Variants in IFT43 observed in about 807,000 individuals in gnomAD.
The protein encoded by IFT43 is intraflagellar transport 43, also known as intraflagellar transport protein 43 homolog.
Under a neutral mutation model 32.3 loss-of-function variants are expected in IFT43, and 33 were observed. The ratio of observed to expected loss-of-function variants is 1.02; its 90% CI spans 0.77 to 1.37. IFT43 has a LOEUF of 1.37. IFT43 is among the 40% of genes most tolerant of loss of function. IFT43 has a pLI of 0.00. For synonymous variants in IFT43, 93 were observed against 98.2 expected (o/e 0.95, Z 0.31); for missense variants, 274 against 265.9 (o/e 1.03, Z -0.21).
intron 5 of IFT43, among the ~76,000 whole-genome samples, chr14:76,067,144 G>A (rs541275337): frequency 2.6e-5 from 4 of 152,148 alleles, no homozygotes; most frequent in Admixed American, 6.6e-5. Context: ...CTTCATCCGT[G>A]GTACATGTTG....
intron 3 of IFT43, chr14:76,038,169 A>G (rs967560422): frequency 6.6e-6 from 1 of 152,256 alleles, no homozygotes; most frequent in Non-Finnish European, 1.5e-5. Flanking sequence ...ATGAGTGTCC[A>G]ATATTGGGTA....
At chr14:75,986,205 A>G (rs772907155) in intron 1 of IFT43, 1 of 1,308,528 alleles carries the variant, frequency 7.6e-7, no homozygotes, top group Non-Finnish European at 1.0e-6. Flanking sequence ...ACTCGCTCCC[A>G]TCCTAGAGTT....
rs538853707 is a variant in IFT43, at chr14:76,077,045, T to C, written c.296-5250T>C. Among the ~76,000 whole-genome samples, 4 of 152,234 alleles carry C rather than the reference T, an allele frequency of 2.6e-5. No individual in the cohort carries two copies. The East Asian group carries it at 7.7e-4, about 29-fold the overall frequency. ...TTTTTGAAATAGATTTGTACTGCTG[T>C]TGCTGTGCGTTAATAAGCCTCTGTT... is the stretch of plus-strand genomic sequence containing the variant. On this transcript the variant is annotated intron_variant, in intron 5 of 8. Coordinates refer to ENST00000314067, the MANE Select transcript of IFT43 (RefSeq NM_001102564.3).
chr14:76,009,143 A>G (rs17103912), intron 2 of IFT43, among the ~76,000 whole-genome samples: 21,652 of 152,194 alleles, frequency 0.14, 1,627 homozygotes, highest in Middle Eastern at 0.23. Context: ...TTTCAAGCCC[A>G]TTCTAGCTGG....
At chr14:76,083,807 A>G (rs1228829445), downstream of IFT43, 1 of 670,546 alleles carries the variant, frequency 1.5e-6, no homozygotes, top group Non-Finnish European at 2.7e-6. Context: ...AACAGCTTTT[A>G]AACCAGCTGA....
chr14:76,037,933 C>T (rs1483726810), intron 3 of IFT43: 2 of 152,238 alleles, frequency 1.3e-5, no homozygotes, highest in Non-Finnish European at 2.9e-5. Context: ...TAGGACGAGG[C>T]AGCTCTGATT....
intron 3 of IFT43, among the ~76,000 whole-genome samples, chr14:76,052,934 A>G (rs2036942667): frequency 6.6e-6 from 1 of 152,190 alleles, no homozygotes; most frequent in Non-Finnish European, 1.5e-5. Context: ...GCAGAGGAGC[A>G]TTTCCCATGC....
At chr14:75,999,669 C>T (rs1200367380) in intron 2 of IFT43, among the ~76,000 whole-genome samples, 1 of 152,106 alleles carries the variant, frequency 6.6e-6, no homozygotes, top group East Asian at 1.9e-4. Context: ...AAAGAGGCAG[C>T]TCTTGAAGTG....
chr14:76,007,735 A>G (rs1487561724), intron 2 of IFT43, among the ~76,000 whole-genome samples: 1 of 152,206 alleles, frequency 6.6e-6, no homozygotes, highest in Non-Finnish European at 1.5e-5. Context: ...ATGAATGTTG[A>G]AAAGAATTTT....
chr14:75,988,306 G>C (rs780811723), intron 1 of IFT43, among the ~76,000 whole-genome samples: 2 of 152,024 alleles, frequency 1.3e-5, no homozygotes, highest in Non-Finnish European at 2.9e-5. Context: ...TTGAGCCTAG[G>C]GGGTGGAGGC....
At chr14:76,016,013 G>A (rs765019940) in intron 2 of IFT43, among the ~76,000 whole-genome samples, 1 of 152,022 alleles carries the variant, frequency 6.6e-6, no homozygotes, top group African/African-American at 2.4e-5. Context: ...CTTTTTAATG[G>A]GACTTTTTTG....
chr14:76,059,348 C>T lies in IFT43; in HGVS notation c.270C>T (p.Ser90=), dbSNP rs893258741. ...GCAGTTTCCGCCTCAGACCACAGAG[C>T]CTGAATGGATCAGATTATGGAGGAG... ...EIEDFRLRPQ[S]LNGSDYGGDI... Residue 90 remains serine (S), a synonymous_variant, in exon 5 of 9, where the codon AGC becomes AGT. Transcript: ENST00000314067. 3.1e-6 allele frequency: 5 copies of T among 1,613,934 alleles called. No homozygotes were observed. The Admixed American group carries it at 5.0e-5, about 16-fold the overall frequency.
intron 2 of IFT43, among the ~76,000 whole-genome samples, chr14:75,999,277 ATATATTTT>A (rs2035835576): frequency 2.1e-4 from 4 of 18,712 alleles, no homozygotes; most frequent in African/African-American, 7.4e-4. Context: ...ATATATGTAT[ATATATTTT>A]TTTTTTTTTT....
chr14:76,041,904 C>T (rs1594838988), intron 3 of IFT43, among the ~76,000 whole-genome samples: 1 of 152,188 alleles, frequency 6.6e-6, no homozygotes, highest in Non-Finnish European at 1.5e-5. Context: ...TACAGATGCA[C>T]TATTCCCCTG....
At chr14:76,000,094 T>C (rs2035854028) in intron 2 of IFT43, among the ~76,000 whole-genome samples, 1 of 152,196 alleles carries the variant, frequency 6.6e-6, no homozygotes, top group Non-Finnish European at 1.5e-5. Flanking sequence ...TTTAACAGTT[T>C]TACATTTTTA....
intron 5 of IFT43, among the ~76,000 whole-genome samples, chr14:76,076,340 C>T (rs1163567198): frequency 6.6e-6 from 1 of 152,204 alleles, no homozygotes; most frequent in Non-Finnish European, 1.5e-5. Flanking sequence ...TCTAGAAGCC[C>T]TTCTGAACAT....
At chr14:76,055,041 A>G (rs1242388278) in intron 3 of IFT43, among the ~76,000 whole-genome samples, 2 of 152,208 alleles carry the variant, frequency 1.3e-5, no homozygotes, top group Admixed American at 6.5e-5. Flanking sequence ...ACCTGTCACC[A>G]GTAGTTTAAA....
At chr14:76,028,323 C>T (rs1355777104) in intron 3 of IFT43, among the ~76,000 whole-genome samples, 1 of 152,100 alleles carries the variant, frequency 6.6e-6, no homozygotes, top group East Asian at 1.9e-4. Flanking sequence ...GTTATTATAT[C>T]AGGGATTGCA....
intron 5 of IFT43, among the ~76,000 whole-genome samples, chr14:76,078,863 A>G (rs2037457334): frequency 6.6e-6 from 1 of 152,146 alleles, no homozygotes; most frequent in African/African-American, 2.4e-5. Flanking sequence ...GGCTAGTTTA[A>G]TAAGATAGGG....
Sources: gnomAD v4.1 joint callset for allele counts (sites outside exome capture counted in the v4.1 genomes callset) on GRCh38, gnomAD v4.1.1 for gene constraint, MANE v1.5 for transcripts, NCBI Gene and HGNC (gene_info 2026-07-23, HGNC 2026-07-21) for gene names.